The following ECT2L variants were observed in gnomAD, a reference collection of about 807,000 sequenced individuals.
ECT2L encodes the protein epithelial cell transforming 2 like.
ECT2L carries 126 observed loss-of-function variants against 122.8 expected under a neutral mutation model. The observed-to-expected ratio is 1.03, with a 90% CI of 0.89 to 1.19. ECT2L has a LOEUF of 1.19. Among genes scored for constraint, ECT2L ranks in the 50% most tolerant of loss-of-function variants. The pLI is 0.00. For missense variants in ECT2L, 1,012 were observed against 1,064.1 expected (o/e 0.95, Z 0.68); for synonymous variants, 385 against 381.8 (o/e 1.01, Z -0.10).
intron 4 of ECT2L, among the ~76,000 whole-genome samples, chr6:138,825,971 C>G (rs548596078): frequency 6.6e-6 from 1 of 152,316 alleles, no homozygotes; most frequent in Admixed American, 6.5e-5. Context: ...GTCAACGACT[C>G]CCACAATAAA....
intron 20 of ECT2L, among the ~76,000 whole-genome samples, chr6:138,889,478 C>G (rs1040717280): frequency 6.6e-6 from 1 of 152,122 alleles, no homozygotes; most frequent in African/African-American, 2.4e-5. Context: ...CGTCACCATG[C>G]CCAGCTAATT....
intron 1 of ECT2L, among the ~76,000 whole-genome samples, chr6:138,811,553 T>C (rs1302290515): frequency 1.3e-5 from 2 of 152,306 alleles, no homozygotes; most frequent in Admixed American, 1.3e-4. Context: ...AGGACTAGTG[T>C]CCTTATAAGA....
In ECT2L at chr6:138,811,928, A is replaced by G. The variant is rs370330142; in HGVS notation, c.-243-910A>G. 1.4e-4 allele frequency among the ~76,000 whole-genome samples: 22 copies of G among 152,128 alleles called. 1 individual carries two copies. The highest frequency in any genetic ancestry group is 3.9e-4 in the Admixed American group (6 of 15,274). Reference sequence around the variant, plus strand: ...GGTCTCAAACTCCTGGCCTCAAGTGATCCACCCACCTCAGCCTCCCAAAGT... The same window carrying G: ...GGTCTCAAACTCCTGGCCTCAAGTGGTCCACCCACCTCAGCCTCCCAAAGT... On this transcript the variant is annotated intron_variant, in intron 1 of 21. Coordinates refer to ENST00000541398, the MANE Select transcript of ECT2L (RefSeq NM_001077706.3).
chr6:138,819,752 T>C (rs1034224316), intron 4 of ECT2L, among the ~76,000 whole-genome samples: 4 of 151,986 alleles, frequency 2.6e-5, no homozygotes, highest in African/African-American at 9.7e-5. Flanking sequence ...CCGGGCGTGG[T>C]GGCGGGCACC....
intron 4 of ECT2L, among the ~76,000 whole-genome samples, chr6:138,816,387 T>G (rs1229128724): frequency 4.2e-5 from 3 of 71,294 alleles, no homozygotes; most frequent in Admixed American, 1.6e-4. Context: ...TGAAAGTACT[T>G]TTTTTTTTTG....
At chr6:138,832,605 G>C (rs538083398) in intron 4 of ECT2L, among the ~76,000 whole-genome samples, 8 of 152,188 alleles carry the variant, frequency 5.3e-5, no homozygotes, top group Non-Finnish European at 1.0e-4. Flanking sequence ...AGCAGCCCAG[G>C]AGAAGGTGTG....
At chr6:138,868,929 G>A (rs1353156402) in intron 13 of ECT2L, among the ~76,000 whole-genome samples, 1 of 152,222 alleles carries the variant, frequency 6.6e-6, no homozygotes, top group Non-Finnish European at 1.5e-5. Context: ...CACTTTGGGA[G>A]GCCGAGGCAG....
At position 138,864,319 on chromosome 6, in the gene ECT2L, C is replaced by CA. The variant is rs1322062920; in HGVS notation, c.1292-674dup. ...ACTGGGTGACAGAGCAAGACTGTCT[C>CA]AAACAGAAACAAAAACATGTTGTGA... is the stretch of plus-strand genomic sequence containing the variant. On this transcript the variant is annotated intron_variant, in intron 11 of 21. Transcript: ENST00000541398. 4.6e-5 allele frequency among the ~76,000 whole-genome samples: 7 copies of CA among 152,072 alleles called. No homozygotes were observed. The East Asian group carries it at 1.4e-3, about 29-fold the overall frequency.
intron 8 of ECT2L, among the ~76,000 whole-genome samples, chr6:138,848,723 G>C (rs1777320098): frequency 6.6e-6 from 1 of 152,154 alleles, no homozygotes. Flanking sequence ...CATCATGCTG[G>C]CCGGGCATGG....
At position 138,902,722 on chromosome 6, in the gene ECT2L, A is replaced by G. The variant is rs137878528; in HGVS notation, c.*95A>G. 200 of 1,437,234 alleles carry G rather than the reference A, an allele frequency of 1.4e-4. No individual in the cohort carries two copies. The African/African-American group carries it at 2.5e-3, about 18-fold the overall frequency. The allele number at this position is 1,437,234 out of a possible 1,614,324, so 89.0% of individuals were successfully genotyped here. On this transcript the variant is annotated 3_prime_UTR_variant, in exon 22 of 22. Coordinates refer to ENST00000541398, the MANE Select transcript of ECT2L (RefSeq NM_001077706.3). Reference sequence around the variant, plus strand: ...CAAAATATCCAGTAAGAAACAGAATAACTGTCATGGATGATGAGATAAACT... The same window carrying G: ...CAAAATATCCAGTAAGAAACAGAATGACTGTCATGGATGATGAGATAAACT...
At chr6:138,845,708 A>G (rs1207189617) in intron 7 of ECT2L, among the ~76,000 whole-genome samples, 1 of 152,236 alleles carries the variant, frequency 6.6e-6, no homozygotes, top group Non-Finnish European at 1.5e-5. Flanking sequence ...CTGATGCTAC[A>G]TATGGATCTC....
At position 138,876,485 on chromosome 6, in the gene ECT2L, T is replaced by TAC; in HGVS notation, c.1593_1594insCA (p.Glu532GlnfsTer17). ...TTCAATCTTCAGGAAAGAAATGTTGTAGAAGACAATTCTTGGGACACAAAG... is the reference window on the plus strand; with the variant it reads ...TTCAATCTTCAGGAAAGAAATGTTGTACAGAAGACAATTCTTGGGACACAAAG... On this transcript the variant is annotated frameshift_variant, in exon 14 of 22. Transcript: ENST00000541398. LOFTEE classifies it high-confidence loss of function. The TAC allele has an allele frequency of 6.2e-7, 1 of 1,611,874 alleles. No individual in the cohort carries two copies. Among genetic ancestry groups the TAC allele is most frequent in the Non-Finnish European group, 8.5e-7 (1 of 1,178,616 alleles).
chr6:138,829,069 C>T (rs1206839274), intron 4 of ECT2L, among the ~76,000 whole-genome samples: 1 of 150,904 alleles, frequency 6.6e-6, no homozygotes, highest in South Asian at 2.1e-4. Flanking sequence ...TGTTGCCCAG[C>T]GTGGTCTCGA....
At chr6:138,849,573 CT>C (rs761157171) in intron 9 of ECT2L, 139 bp downstream of exon 9, 121,413 of 505,584 alleles carry the variant, frequency 0.24, 293 homozygotes, top group South Asian at 0.3. Flanking sequence ...AAAAGCGAAG[CT>C]TTTTTTTTTT....
At chr6:138,880,252 G>C (rs1562489307) in intron 14 of ECT2L, among the ~76,000 whole-genome samples, 1 of 152,212 alleles carries the variant, frequency 6.6e-6, no homozygotes, top group Non-Finnish European at 1.5e-5. Flanking sequence ...TGGAGGCTGG[G>C]AAGTCTAAGA....
intron 15 of ECT2L, among the ~76,000 whole-genome samples, chr6:138,882,421 T>C (rs924136312): frequency 6.6e-6 from 1 of 152,246 alleles, no homozygotes; most frequent in Non-Finnish European, 1.5e-5. Flanking sequence ...TTCACCCATC[T>C]GCCTATCTGG....
intron 20 of ECT2L, among the ~76,000 whole-genome samples, chr6:138,899,871 TC>T (rs777127089): frequency 6.6e-6 from 1 of 152,128 alleles, no homozygotes; most frequent in South Asian, 2.1e-4. Flanking sequence ...TCCCAGGCTA[TC>T]ACCACTCACT....
chr6:138,847,355 C>T (rs200895416), intron 8 of ECT2L, among the ~76,000 whole-genome samples: 1,920 of 55,040 alleles, frequency 0.035, 79 homozygotes, highest in African/African-American at 0.15. Context: ...AAGGCCCAAA[C>T]TTTTTTTTTT....
At chr6:138,889,994 T>G (rs184219329) in intron 20 of ECT2L, among the ~76,000 whole-genome samples, 80 of 152,308 alleles carry the variant, frequency 5.3e-4, no homozygotes, top group African/African-American at 1.9e-3. Context: ...AGTAATACAC[T>G]ATTCATAAAC....
Sources: allele counts gnomAD v4.1 joint callset (sites outside exome capture counted in the v4.1 genomes callset), GRCh38; gene constraint gnomAD v4.1.1; transcripts MANE v1.5; gene names NCBI Gene and HGNC (gene_info 2026-07-23, HGNC 2026-07-21).